The following LRMDA variants were observed in gnomAD, a reference collection of about 807,000 sequenced individuals.
LRMDA encodes leucine rich melanocyte differentiation associated.
Under a neutral mutation model 29.8 loss-of-function variants are expected in LRMDA, and 18 were observed. The ratio of observed to expected loss-of-function variants is 0.60; its 90% CI spans 0.42 to 0.90. LRMDA has a LOEUF of 0.90. Ranked by LOEUF, LRMDA falls within the 40% of genes least tolerant of loss-of-function variation. LRMDA has a pLI of 0.00. For missense variants in LRMDA, 273 were observed against 273.9 expected, an observed-to-expected ratio of 1.00 and a Z score of 0.02; for synonymous variants, 125 against 109.4, an observed-to-expected ratio of 1.14 and a Z score of -0.89.
chr10:75,909,559 T>G (rs1181007782), intron 2 of LRMDA, among the ~76,000 whole-genome samples: 1 of 152,174 alleles, frequency 6.6e-6, no homozygotes, highest in Non-Finnish European at 1.5e-5. Context: ...TAGCTCTGTT[T>G]TATAGAATGC....
At chr10:76,095,218 A>G (rs1457950569) in intron 5 of LRMDA, among the ~76,000 whole-genome samples, 1 of 152,218 alleles carries the variant, frequency 6.6e-6, no homozygotes, top group East Asian at 1.9e-4. Context: ...TTTTTGAGAA[A>G]TAAATGGAAT....
At chr10:76,430,312 C>A (rs1030430504) in intron 6 of LRMDA, among the ~76,000 whole-genome samples, 4 of 152,272 alleles carry the variant, frequency 2.6e-5, no homozygotes, top group Non-Finnish European at 4.4e-5. Flanking sequence ...CACACTGGAG[C>A]CCCTTCCAGA....
intron 6 of LRMDA, among the ~76,000 whole-genome samples, chr10:76,415,970 A>G (rs1470587851): frequency 2.0e-5 from 3 of 152,170 alleles, no homozygotes; most frequent in African/African-American, 7.2e-5. Context: ...GCTCACACAT[A>G]TTTTGTGAGG....
intron 5 of LRMDA, among the ~76,000 whole-genome samples, chr10:76,222,196 G>C (rs1851855832): frequency 6.6e-6 from 1 of 152,034 alleles, no homozygotes; most frequent in African/African-American, 2.4e-5. Context: ...TACCATTCAG[G>C]ACATAGGCAT....
At chr10:75,657,124 A>C (rs565429438) in intron 2 of LRMDA, among the ~76,000 whole-genome samples, 1 of 152,232 alleles carries the variant, frequency 6.6e-6, no homozygotes, top group Non-Finnish European at 1.5e-5. Context: ...CTGTCCATTT[A>C]CATACTCAGT....
chr10:75,518,213 T>G (rs1429744273), intron 2 of LRMDA, among the ~76,000 whole-genome samples: 4 of 152,354 alleles, frequency 2.6e-5, no homozygotes, highest in African/African-American at 9.6e-5. Context: ...GATGCTGGCC[T>G]CATAAAATGA....
At position 75,564,243 on chromosome 10, in the gene LRMDA, G is replaced by A. The variant is rs532413457; in HGVS notation, c.131+125749G>A. On this transcript the variant is annotated intron_variant, in intron 2 of 6. Coordinates refer to ENST00000611255, the MANE Select transcript of LRMDA (RefSeq NM_001305581.2). ...TAAGCAAGCCTGGGCAATGGTGGGCGCCCCTCCCCCAGCCTCGCTGACGCC... is the reference window on the plus strand; with the variant it reads ...TAAGCAAGCCTGGGCAATGGTGGGCACCCCTCCCCCAGCCTCGCTGACGCC... Among the ~76,000 whole-genome samples, 9 of 152,268 alleles carry A rather than the reference G, an allele frequency of 5.9e-5. 1 individual carries two copies. The highest frequency in any genetic ancestry group is 1.9e-4 in the African/African-American group (8 of 41,560).
At chr10:75,692,193 C>A (rs1481566795) in intron 2 of LRMDA, among the ~76,000 whole-genome samples, 1 of 123,990 alleles carries the variant, frequency 8.1e-6, no homozygotes, top group African/African-American at 3.4e-5. Context: ...CAAAGCAAGA[C>A]CTTGTCTCTG....
chr10:75,942,701 T>A (rs1846412138), intron 2 of LRMDA, among the ~76,000 whole-genome samples: 1 of 152,216 alleles, frequency 6.6e-6, no homozygotes, highest in South Asian at 2.1e-4. Flanking sequence ...CATCAATTAA[T>A]GTGCTGATGA....
intron 6 of LRMDA, among the ~76,000 whole-genome samples, chr10:76,493,880 A>T (rs1017678875): frequency 2.0e-5 from 3 of 152,056 alleles, no homozygotes; most frequent in Non-Finnish European, 4.4e-5. Flanking sequence ...TCTTGTTTTT[A>T]GATTTATTTC....
At chr10:76,191,772 A>C (rs1366738873) in intron 5 of LRMDA, among the ~76,000 whole-genome samples, 1 of 152,190 alleles carries the variant, frequency 6.6e-6, no homozygotes, top group Admixed American at 6.5e-5. Flanking sequence ...TCTTTCGATT[A>C]CCTTGCAAAG....
At chr10:76,115,889 T>A (rs906265211) in intron 5 of LRMDA, among the ~76,000 whole-genome samples, 2 of 152,030 alleles carry the variant, frequency 1.3e-5, no homozygotes, top group African/African-American at 4.8e-5. Context: ...CGGCGACCTT[T>A]CTCTGATCCA....
At chr10:76,375,598 T>C (rs747755257) in intron 6 of LRMDA, among the ~76,000 whole-genome samples, 20 of 152,198 alleles carry the variant, frequency 1.3e-4, no homozygotes, top group Non-Finnish European at 5.9e-5. Flanking sequence ...GACAAACTGC[T>C]GGTCCATCAA....
At chr10:76,354,452 A>G (rs1165329883) in intron 6 of LRMDA, among the ~76,000 whole-genome samples, 2 of 152,182 alleles carry the variant, frequency 1.3e-5, no homozygotes, top group Non-Finnish European at 2.9e-5. Flanking sequence ...TTTTTATTCC[A>G]GATAATACCA....
At chr10:75,984,073 G>A (rs1006164719) in intron 2 of LRMDA, among the ~76,000 whole-genome samples, 1 of 152,198 alleles carries the variant, frequency 6.6e-6, no homozygotes, top group Non-Finnish European at 1.5e-5. Context: ...AACTAGCCGT[G>A]CACCACAAGG....
At chr10:75,547,189 A>G (rs1200188963) in intron 2 of LRMDA, among the ~76,000 whole-genome samples, 2 of 152,162 alleles carry the variant, frequency 1.3e-5, no homozygotes, top group South Asian at 2.1e-4. Flanking sequence ...CCAAGATTCT[A>G]TTTATTCATC....
At chr10:76,291,114 G>A (rs1363915468) in intron 5 of LRMDA, among the ~76,000 whole-genome samples, 2 of 152,142 alleles carry the variant, frequency 1.3e-5, no homozygotes, top group East Asian at 3.9e-4. Flanking sequence ...TCAAGGAGCG[G>A]TCAATGAGTG....
At chr10:76,190,294 C>T (rs771150055) in intron 5 of LRMDA, among the ~76,000 whole-genome samples, 9 of 152,034 alleles carry the variant, frequency 5.9e-5, no homozygotes, top group Non-Finnish European at 1.2e-4. Context: ...AACAAGAATA[C>T]GCCCTGGAAG....
At chr10:76,218,447 T>G (rs1049688511) in intron 5 of LRMDA, among the ~76,000 whole-genome samples, 1 of 152,212 alleles carries the variant, frequency 6.6e-6, no homozygotes, top group African/African-American at 2.4e-5. Flanking sequence ...CAGGGAGTGA[T>G]TGGATTTGAA....
Sources: gnomAD v4.1 joint callset for allele counts (sites outside exome capture counted in the v4.1 genomes callset) on GRCh38, gnomAD v4.1.1 for gene constraint, MANE v1.5 for transcripts, NCBI Gene and HGNC (gene_info 2026-07-23, HGNC 2026-07-21) for gene names.